The following STX8 variants were observed in gnomAD, a reference collection of about 807,000 sequenced individuals.
STX8 encodes syntaxin 8.
In STX8, 23 loss-of-function variants were observed where a neutral mutation model predicts 37.5. That is an observed-to-expected ratio of 0.61 (90% CI 0.44 to 0.87). STX8 has a LOEUF of 0.87. Among genes scored for constraint, STX8 ranks in the 40% least tolerant of loss-of-function variants. The pLI, the probability that STX8 is intolerant of heterozygous loss-of-function variation, is 0.00. For synonymous variants in STX8, 115 were observed against 99.1 expected, an observed-to-expected ratio of 1.16 and a Z score of -0.95; for missense variants, 313 against 284.7, an observed-to-expected ratio of 1.10 and a Z score of -0.71.
At chr17:9,253,084 T>C (rs1220033114) in intron 7 of STX8, among the ~76,000 whole-genome samples, 1 of 152,224 alleles carries the variant, frequency 6.6e-6, no homozygotes, top group Non-Finnish European at 1.5e-5. Flanking sequence ...TCTTCATTTC[T>C]TTCATCTAGG....
intron 7 of STX8, among the ~76,000 whole-genome samples, chr17:9,258,843 C>T (rs548733310): frequency 1.6e-4 from 24 of 152,332 alleles, no homozygotes; most frequent in African/African-American, 5.8e-4. Context: ...AGCCTCAGCC[C>T]ATTTTCCACC....
chr17:9,401,240 T>C (rs751391725), intron 6 of STX8, among the ~76,000 whole-genome samples: 4 of 152,246 alleles, frequency 2.6e-5, no homozygotes, highest in African/African-American at 4.8e-5. Context: ...TTCTGGGTTC[T>C]TCCTCTTGTA....
At chr17:9,528,354 G>A (rs1905665130) in intron 4 of STX8, among the ~76,000 whole-genome samples, 1 of 152,172 alleles carries the variant, frequency 6.6e-6, no homozygotes, top group South Asian at 2.1e-4. Flanking sequence ...CTGGAGTGCA[G>A]TGGCGCAATC....
At chr17:9,381,204 T>G (rs1426685009) in intron 6 of STX8, among the ~76,000 whole-genome samples, 2 of 152,208 alleles carry the variant, frequency 1.3e-5, no homozygotes, top group South Asian at 4.1e-4. Context: ...TCTCAGAACA[T>G]ATCTCTGTCA....
At chr17:9,541,747 T>C (rs1906286036) in intron 4 of STX8, among the ~76,000 whole-genome samples, 1 of 152,160 alleles carries the variant, frequency 6.6e-6, no homozygotes, top group African/African-American at 2.4e-5. Flanking sequence ...TGAGCCTGTT[T>C]CTCTTCTGCA....
chr17:9,277,802 G>C (rs1456178658), intron 7 of STX8, among the ~76,000 whole-genome samples: 2 of 152,070 alleles, frequency 1.3e-5, no homozygotes, highest in East Asian at 1.9e-4. Context: ...AGCAGCTAGG[G>C]ATTCATGGAA....
At chr17:9,387,845 G>A (rs1489423625) in intron 6 of STX8, among the ~76,000 whole-genome samples, 2 of 151,978 alleles carry the variant, frequency 1.3e-5, no homozygotes, top group Non-Finnish European at 2.9e-5. Flanking sequence ...ACAGTATGTC[G>A]GATGTTATAT....
At chr17:9,402,074 C>A (rs1329446543) in intron 6 of STX8, among the ~76,000 whole-genome samples, 2 of 151,614 alleles carry the variant, frequency 1.3e-5, no homozygotes, top group East Asian at 1.9e-4. Context: ...ATTATATGTA[C>A]GTTTTCAATA....
intron 6 of STX8, among the ~76,000 whole-genome samples, chr17:9,435,076 T>G (rs925011940): frequency 5.3e-5 from 8 of 152,202 alleles, no homozygotes; most frequent in Non-Finnish European, 1.0e-4. Context: ...GGGTTGTGAC[T>G]GGTGCTCAGA....
chr17:9,334,553 G>A (rs372220628), intron 7 of STX8, among the ~76,000 whole-genome samples: 8 of 152,218 alleles, frequency 5.3e-5, no homozygotes, highest in East Asian at 1.9e-4. Context: ...TTGCAAAGGC[G>A]GTTTCGGCTT....
At chr17:9,317,429 T>A (rs1055159741) in intron 7 of STX8, among the ~76,000 whole-genome samples, 2 of 152,160 alleles carry the variant, frequency 1.3e-5, no homozygotes, top group Non-Finnish European at 1.5e-5. Flanking sequence ...TACCAAGTGA[T>A]AAAACCGCGC....
chr17:9,343,268 C>G (rs16958179), intron 7 of STX8, among the ~76,000 whole-genome samples: 5,060 of 152,040 alleles, frequency 0.033, 282 homozygotes, highest in African/African-American at 0.12. Flanking sequence ...TTTTATAGAG[C>G]CTTTGGAATG....
intron 7 of STX8, among the ~76,000 whole-genome samples, chr17:9,351,248 C>T (rs1213604107): frequency 2.1e-5 from 3 of 144,052 alleles, no homozygotes; most frequent in South Asian, 2.2e-4. Flanking sequence ...ATCTCTGCCT[C>T]CCAGGTTCAG....
intron 1 of STX8, among the ~76,000 whole-genome samples, chr17:9,575,521 G>C (rs546139135): frequency 2.6e-4 from 39 of 152,344 alleles, no homozygotes; most frequent in African/African-American, 7.9e-4. Flanking sequence ...CCCGCAACGA[G>C]ATGCAGCCCA....
intron 7 of STX8, among the ~76,000 whole-genome samples, chr17:9,258,658 A>C (rs1219017841): frequency 6.6e-6 from 1 of 152,204 alleles, no homozygotes; most frequent in Non-Finnish European, 1.5e-5. Context: ...GCTTTCATTA[A>C]AACACTGGGC....
intron 7 of STX8, among the ~76,000 whole-genome samples, chr17:9,341,436 T>G (rs1910353519): frequency 1.3e-5 from 2 of 151,948 alleles, no homozygotes; most frequent in Admixed American, 6.6e-5. Flanking sequence ...AGACATGACT[T>G]TTTTGTTTGT....
At chr17:9,268,505 G>A (rs1907312736) in intron 7 of STX8, among the ~76,000 whole-genome samples, 1 of 152,130 alleles carries the variant, frequency 6.6e-6, no homozygotes. Flanking sequence ...CTTCATCTTG[G>A]GGGATGAGGC....
chr17:9,475,507 C>T (rs534203318), intron 6 of STX8, among the ~76,000 whole-genome samples: 1 of 152,184 alleles, frequency 6.6e-6, no homozygotes, highest in Non-Finnish European at 1.5e-5. Flanking sequence ...CTGCCCACAG[C>T]CCTGCCCTGT....
intron 6 of STX8, among the ~76,000 whole-genome samples, chr17:9,430,584 A>T (rs1296810668): frequency 6.6e-6 from 1 of 151,562 alleles, no homozygotes; most frequent in East Asian, 1.9e-4. Context: ...AGACCATTTT[A>T]AGTACATACT....
Sources: allele counts gnomAD v4.1 joint callset (sites outside exome capture counted in the v4.1 genomes callset), GRCh38; gene constraint gnomAD v4.1.1; transcripts MANE v1.5; gene names NCBI Gene and HGNC (gene_info 2026-07-23, HGNC 2026-07-21).